The following MLEC variants were observed in gnomAD, a reference collection of about 807,000 sequenced individuals.
The protein encoded by MLEC is oligosaccharyltransferase complex subunit (non-catalytic).
A neutral mutation model predicts 28.7 loss-of-function variants in MLEC; 7 were observed. The ratio of observed to expected loss-of-function variants is 0.24; its 90% confidence interval spans 0.14 to 0.46. The LOEUF (loss-of-function observed/expected upper bound fraction) is 0.46, where lower values mean the gene tolerates loss of function less well. Among genes scored for constraint, MLEC ranks in the 20% least tolerant of loss-of-function variants. The pLI, the probability that MLEC is intolerant of heterozygous loss-of-function variation, is 0.99. For synonymous variants in MLEC, 142 were observed against 164.4 expected (o/e 0.86, Z 1.04); for missense variants, 237 against 391.1 (o/e 0.61, Z 3.32).
rs1394190930 is a variant in MLEC, at chr12:120,699,707, G to A, written c.*3162G>A. 6.6e-6 allele frequency: 1 copy of A among 152,404 alleles called. No individual in the cohort carries two copies. The highest frequency in any genetic ancestry group is 2.4e-5 in the African/African-American group (1 of 41,460). The allele number at this position is 152,404 out of a possible 1,614,324, so 9.4% of individuals were successfully genotyped here. A position where few individuals can be genotyped will look rare whatever the true frequency, so the allele number is the denominator to read the frequency against. On this transcript the variant is annotated 3_prime_UTR_variant, in exon 5 of 5. Transcript: ENST00000228506. ...ATAGTTTTCTTCAGGTGTCAATGGC[G>A]TTAGACTCCCAGGAAGACTAGCCCT...
At position 120,694,385 on chromosome 12, in the gene MLEC, C is replaced by A; in HGVS notation, c.414+116C>A. ...TCCAGAAAGGCAGAACAGATGAGCT[C>A]TAGAGAAGCATGTTCCATAGTGCAC... On this transcript the variant is annotated intron_variant, in intron 2 of 4. Coordinates refer to ENST00000228506, the MANE Select transcript of MLEC (RefSeq NM_014730.4). This position sits in a 1 kb window ranked among gnomAD's most constrained non-coding sequence, Gnocchi z 4.5. The A allele has an allele frequency of 9.2e-7, 1 of 1,084,492 alleles. No homozygotes were observed. Among genetic ancestry groups the A allele is most frequent in the Non-Finnish European group, 1.3e-6 (1 of 757,330 alleles). 67.2% of individuals were successfully genotyped at this position (1,084,492 alleles called of 1,614,324 possible).
chr12:120,692,641 T>C (rs1038960513), intron 1 of MLEC, among the ~76,000 whole-genome samples: 2 of 150,924 alleles, frequency 1.3e-5, no homozygotes, highest in African/African-American at 4.9e-5. Context: ...CCCTTGTTGA[T>C]GATTCAGAAG....
At chr12:120,688,031 C>T (rs556226696) in intron 1 of MLEC, among the ~76,000 whole-genome samples, 1 of 152,298 alleles carries the variant, frequency 6.6e-6, no homozygotes, top group East Asian at 1.9e-4. Flanking sequence ...TAGCCTCCTC[C>T]CCCGCCCTCT....
At chr12:120,695,429 T>C (rs1020559789) in intron 4 of MLEC, among the ~76,000 whole-genome samples, 1 of 152,218 alleles carries the variant, frequency 6.6e-6, no homozygotes, top group Non-Finnish European at 1.5e-5. Flanking sequence ...ATGGTACCTA[T>C]TGGTGTACCC....
In MLEC at chr12:120,694,627, A is replaced by G. The variant is rs1355387957; in HGVS notation, c.415-197A>G. ...GTATTCTTTGTTCCTTAAAGCCAATATAAGAACTCCTGGGCAGTGAAGGAA... is the reference window on the plus strand; with the variant it reads ...GTATTCTTTGTTCCTTAAAGCCAATGTAAGAACTCCTGGGCAGTGAAGGAA... On this transcript the variant is annotated intron_variant, in intron 2 of 4. Coordinates refer to ENST00000228506, the MANE Select transcript of MLEC (RefSeq NM_014730.4). The surrounding 1 kb of genome is among the most constrained non-coding windows in gnomAD (Gnocchi z 4.5). Among the ~76,000 whole-genome samples the G allele has an allele frequency of 1.3e-5, 2 of 152,094 alleles. No individual in the cohort carries two copies. The highest frequency in any genetic ancestry group is 2.9e-5 in the Non-Finnish European group (2 of 68,030).
chr12:120,694,021 TG>T lies in MLEC; in HGVS notation c.236-69del. The T allele has an allele frequency of 6.9e-7, 1 of 1,439,174 alleles. No homozygotes were observed. The highest frequency in any genetic ancestry group is 9.4e-7 in the Non-Finnish European group (1 of 1,059,666). 89.2% of individuals were successfully genotyped at this position (1,439,174 alleles called of 1,614,324 possible). On this transcript the variant is annotated intron_variant, in intron 1 of 4. Coordinates refer to ENST00000228506, the MANE Select transcript of MLEC (RefSeq NM_014730.4). This position sits in a 1 kb window ranked among gnomAD's most constrained non-coding sequence, Gnocchi z 4.5. ...GCATTGCCCTGGAAATGCCTCTGGC[TG>T]TTCTGGGGTCTTTGCTTTTCTTTTG...
chr12:120,694,796 A>G lies in MLEC; in HGVS notation c.415-28A>G. 6.3e-7 allele frequency: 1 copy of G among 1,588,134 alleles called. No homozygotes were observed. The highest frequency in any genetic ancestry group is 8.6e-7 in the Non-Finnish European group (1 of 1,163,666). ...AAAGGATGTAAAGCTGATGGTTTTG[A>G]CATTGTTTTCTTTTCTTATCCTGGA... On this transcript the variant is annotated intron_variant, in intron 2 of 4. Coordinates refer to ENST00000228506, the MANE Select transcript of MLEC (RefSeq NM_014730.4). This position sits in a 1 kb window ranked among gnomAD's most constrained non-coding sequence, Gnocchi z 4.5.
chr12:120,696,250 C>T lies in MLEC; in HGVS notation c.650-66C>T, dbSNP rs902264067. 20 of 1,575,630 alleles carry T rather than the reference C, an allele frequency of 1.3e-5. No homozygotes were observed. Among genetic ancestry groups the T allele is most frequent in the Non-Finnish European group, 1.7e-5 (20 of 1,161,806 alleles). On this transcript the variant is annotated intron_variant, in intron 4 of 4. Transcript: ENST00000228506. The surrounding 1 kb of genome is among the most constrained non-coding windows in gnomAD (Gnocchi z 5.4). ...CAATCTCTTTATTGTGGCTTATTTG[C>T]TGCTTTTAAGGGTCTCTCTTACTTA...
At chr12:120,689,605 G>T (rs765107143) in intron 1 of MLEC, among the ~76,000 whole-genome samples, 16 of 152,318 alleles carry the variant, frequency 1.1e-4, no homozygotes, top group African/African-American at 2.9e-4. Context: ...GCATAAGCTT[G>T]CACTCTCAGG....
chr12:120,691,280 C>G (rs1244899878), intron 1 of MLEC, among the ~76,000 whole-genome samples: 1 of 152,240 alleles, frequency 6.6e-6, no homozygotes, highest in Non-Finnish European at 1.5e-5. Context: ...GTTTCTGTGT[C>G]TCTCTCCGTG....
intron 1 of MLEC, chr12:120,693,876 G>A: frequency 2.2e-6 from 1 of 463,112 alleles, no homozygotes; most frequent in East Asian, 3.5e-5. Context: ...GGCCTGATTA[G>A]TGTTTAGTTT....
rs531686954 is a variant in MLEC, at chr12:120,687,554, G to T, written c.235+23G>T. On this transcript the variant is annotated intron_variant, in intron 1 of 4. Transcript: ENST00000228506. This position sits in a 1 kb window ranked among gnomAD's most constrained non-coding sequence, Gnocchi z 8.1. The stretch of plus-strand genomic sequence containing the variant: ...GAGGTGAGAGTCCCCCTGCCGAGCC[G>T]CGGGATCCAGGGCCTGCTGTGCTGG... 42 of 1,486,268 alleles carry T rather than the reference G, an allele frequency of 2.8e-5. No homozygotes were observed. Among genetic ancestry groups the T allele is most frequent in the Non-Finnish European group, 3.7e-5 (41 of 1,116,434 alleles). 92.1% of individuals were successfully genotyped at this position (1,486,268 alleles called of 1,614,324 possible).
At position 120,697,494 on chromosome 12, in the gene MLEC, A is replaced by G. The variant is rs1335841510; in HGVS notation, c.*949A>G. ...TCCCTGGATCTCTGAGCCAGCAGCC[A>G]GGAGGACCTGACCCAGCAGTTCTTT... On this transcript the variant is annotated 3_prime_UTR_variant, in exon 5 of 5. Coordinates refer to ENST00000228506, the MANE Select transcript of MLEC (RefSeq NM_014730.4). This position sits in a 1 kb window ranked among gnomAD's most constrained non-coding sequence, Gnocchi z 4.8. 2 of 152,680 alleles carry G rather than the reference A, an allele frequency of 1.3e-5. No homozygotes were observed. Among genetic ancestry groups the G allele is most frequent in the Non-Finnish European group, 2.9e-5 (2 of 68,074 alleles). 9.5% of individuals were successfully genotyped at this position (152,680 alleles called of 1,614,324 possible).
intron 3 of MLEC, 46 bp from the exon 4 acceptor site, chr12:120,695,049 G>A (rs755861311): frequency 5.0e-5 from 80 of 1,614,028 alleles, no homozygotes; most frequent in Non-Finnish European, 6.4e-5. Flanking sequence ...TACAGGGGAA[G>A]TTGTTTGCTG....
chr12:120,696,187 A>G lies in MLEC; in HGVS notation c.650-129A>G. ...CTGTAGACCAGAGGCTATTTCTGCT[A>G]CTTCTGGTCTTTTCTCTGGACCCGG... On this transcript the variant is annotated intron_variant, in intron 4 of 4. Coordinates refer to ENST00000228506, the MANE Select transcript of MLEC (RefSeq NM_014730.4). The surrounding 1 kb of genome is among the most constrained non-coding windows in gnomAD (Gnocchi z 5.4). 1.7e-6 allele frequency: 2 copies of G among 1,149,700 alleles called. No individual in the cohort carries two copies. The highest frequency in any genetic ancestry group is 2.5e-6 in the Non-Finnish European group (2 of 805,368). The allele number at this position is 1,149,700 out of a possible 1,614,324, so 71.2% of individuals were successfully genotyped here.
intron 1 of MLEC, among the ~76,000 whole-genome samples, chr12:120,693,218 C>T (rs2137417353): frequency 6.6e-6 from 1 of 152,370 alleles, no homozygotes; most frequent in African/African-American, 2.4e-5. Flanking sequence ...ACATCTTAGG[C>T]AGATTGCCTT....
At chr12:120,689,495 TG>T (rs748002708) in intron 1 of MLEC, among the ~76,000 whole-genome samples, 3 of 152,084 alleles carry the variant, frequency 2.0e-5, no homozygotes, top group Non-Finnish European at 4.4e-5. Context: ...GAGTGGGAGG[TG>T]GCGCTTGTCA....
intron 3 of MLEC, 37 bp downstream of exon 3, chr12:120,695,037 G>T: frequency 1.2e-6 from 2 of 1,614,002 alleles, no homozygotes; most frequent in Non-Finnish European, 1.7e-6. Context: ...GAAGAGAGTG[G>T]GTACAGGGGA....
rs1360344418 is a variant in MLEC, at chr12:120,687,811, G to T, written c.235+280G>T. 6.6e-6 allele frequency among the ~76,000 whole-genome samples: 1 copy of T among 152,202 alleles called. No individual in the cohort carries two copies. The highest frequency in any genetic ancestry group is 6.5e-5 in the Admixed American group (1 of 15,280). On this transcript the variant is annotated intron_variant, in intron 1 of 4. Transcript: ENST00000228506. The surrounding 1 kb of genome is among the most constrained non-coding windows in gnomAD (Gnocchi z 8.1). ...CCTCACTCCCATCCAAGCTGGGAGA[G>T]AAATGACGAAGGCGGCCTTTTGCTA...
Sources: allele counts gnomAD v4.1 joint callset (sites outside exome capture counted in the v4.1 genomes callset), GRCh38; gene constraint gnomAD v4.1.1; non-coding constraint Gnocchi (gnomAD v3.1); transcripts MANE v1.5; gene names NCBI Gene and HGNC (gene_info 2026-07-23, HGNC 2026-07-21).